Variants in SLX4IP observed in about 807,000 individuals in gnomAD.
SLX4IP encodes SLX4 interacting protein, also known as protein SLX4IP.
Under a neutral mutation model 32.9 loss-of-function variants are expected in SLX4IP, and 34 were observed. The ratio of observed to expected loss-of-function variants is 1.03; its 90% confidence interval spans 0.79 to 1.38. The LOEUF is 1.38. SLX4IP is among the 40% of genes most tolerant of loss of function. SLX4IP has a pLI of 0.00. For missense variants in SLX4IP, 444 were observed against 479.0 expected, an observed-to-expected ratio of 0.93 and a Z score of 0.68; for synonymous variants, 172 against 171.7, an observed-to-expected ratio of 1.00 and a Z score of -0.01.
chr20:10,551,601 A>C (rs542426565), intron 2 of SLX4IP, among the ~76,000 whole-genome samples: 63 of 152,342 alleles, frequency 4.1e-4, no homozygotes, highest in African/African-American at 1.5e-3. Flanking sequence ...CTTATAGCCT[A>C]GGATGGGGGC....
At chr20:10,612,556 T>C (rs1025399426) in intron 6 of SLX4IP, among the ~76,000 whole-genome samples, 4 of 152,172 alleles carry the variant, frequency 2.6e-5, no homozygotes, top group African/African-American at 9.7e-5. Flanking sequence ...TTACTATTAT[T>C]ATTATTGAGA....
intron 1 of SLX4IP, among the ~76,000 whole-genome samples, chr20:10,440,428 C>G (rs1216776123): frequency 6.6e-6 from 1 of 151,632 alleles, no homozygotes; most frequent in Non-Finnish European, 1.5e-5. Flanking sequence ...GCGCTTTAGC[C>G]TGGGTGACAC....
intron 4 of SLX4IP, among the ~76,000 whole-genome samples, chr20:10,586,847 G>A (rs1238191417): frequency 1.3e-5 from 2 of 152,036 alleles, no homozygotes; most frequent in Non-Finnish European, 1.5e-5. Context: ...TTGTTAATGT[G>A]AGCTAAGAAT....
chr20:10,499,136 AT>A (rs2065694973), intron 2 of SLX4IP, among the ~76,000 whole-genome samples: 1 of 152,176 alleles, frequency 6.6e-6, no homozygotes, highest in South Asian at 2.1e-4. Context: ...AATGACAAAA[AT>A]TATGGGTCTA....
chr20:10,474,407 C>T (rs1454140141), intron 2 of SLX4IP, among the ~76,000 whole-genome samples: 2 of 152,202 alleles, frequency 1.3e-5, no homozygotes, highest in Non-Finnish European at 2.9e-5. Context: ...TAAGCCCTAA[C>T]TTCGTGGGAG....
chr20:10,555,280 C>G (rs1269334256), intron 2 of SLX4IP, among the ~76,000 whole-genome samples: 1 of 151,884 alleles, frequency 6.6e-6, no homozygotes, highest in African/African-American at 2.4e-5. Flanking sequence ...CTGGGTCTCT[C>G]AGACCATCCC....
chr20:10,560,644 T>C (rs2066322517), intron 3 of SLX4IP, 56 bp from the exon 4 acceptor site: 9 of 1,273,750 alleles, frequency 7.1e-6, no homozygotes, highest in African/African-American at 3.1e-5. Context: ...TTAATATATA[T>C]GTTAATTTTT....
chr20:10,483,267 G>C (rs1316285090), intron 2 of SLX4IP, among the ~76,000 whole-genome samples: 2 of 152,152 alleles, frequency 1.3e-5, no homozygotes, highest in Non-Finnish European at 2.9e-5. Context: ...TTACAGGAGA[G>C]TGCCACCATG....
chr20:10,615,866 G>A (rs2067020761), intron 6 of SLX4IP, among the ~76,000 whole-genome samples: 1 of 152,086 alleles, frequency 6.6e-6, no homozygotes, highest in Admixed American at 6.5e-5. Flanking sequence ...AAGGACAATA[G>A]GTCCAACTCC....
chr20:10,474,709 C>G (rs991113571), intron 2 of SLX4IP, among the ~76,000 whole-genome samples: 2 of 152,232 alleles, frequency 1.3e-5, no homozygotes, highest in Non-Finnish European at 2.9e-5. Flanking sequence ...TTTTCCCTCC[C>G]TTACCACTAT....
intron 1 of SLX4IP, among the ~76,000 whole-genome samples, chr20:10,446,520 T>TTGTAGGTAAGTGCA (rs113050194): frequency 0.49 from 74,313 of 151,810 alleles, 19,669 homozygotes; most frequent in Non-Finnish European, 0.6. Flanking sequence ...AATTTTTGGG[T>TTGTAGGTAAGTGCA]TGTTTAGATT....
chr20:10,576,664 G>A (rs1354354249), intron 4 of SLX4IP, among the ~76,000 whole-genome samples: 1 of 152,164 alleles, frequency 6.6e-6, no homozygotes, highest in Non-Finnish European at 1.5e-5. Flanking sequence ...GGCCAAGATT[G>A]AATTTCAATT....
chr20:10,592,920 CTG>C (rs1384704868), intron 4 of SLX4IP, among the ~76,000 whole-genome samples: 1 of 152,182 alleles, frequency 6.6e-6, no homozygotes, highest in Non-Finnish European at 1.5e-5. Context: ...GCGTGAGCCA[CTG>C]TGCCTAGCCT....
At chr20:10,582,086 G>T (rs997546913) in intron 4 of SLX4IP, among the ~76,000 whole-genome samples, 1 of 152,152 alleles carries the variant, frequency 6.6e-6, no homozygotes, top group African/African-American at 2.4e-5. Flanking sequence ...CCCAGGGAAT[G>T]GTGAATTCTC....
At chr20:10,479,148 ACT>A (rs934515174) in intron 2 of SLX4IP, among the ~76,000 whole-genome samples, 7 of 152,082 alleles carry the variant, frequency 4.6e-5, no homozygotes, top group Admixed American at 6.5e-5. Flanking sequence ...GCAAGTAGTG[ACT>A]CTGATTCCTT....
intron 2 of SLX4IP, among the ~76,000 whole-genome samples, chr20:10,521,159 T>C (rs1235081522): frequency 6.6e-6 from 1 of 152,228 alleles, no homozygotes; most frequent in Non-Finnish European, 1.5e-5. Flanking sequence ...ATTTGCTTGC[T>C]CTCTTCAGCA....
rs16991671 is a variant in SLX4IP, at chr20:10,482,884, C to T, written c.27+24653C>T. On this transcript the variant is annotated intron_variant, in intron 2 of 7. Transcript: ENST00000334534. Reference sequence around the variant, plus strand: ...GACATAAAATTGTACCTTAATAAACCTATTTTTAGAAGCCATATCTGTTTA... The same window carrying T: ...GACATAAAATTGTACCTTAATAAACTTATTTTTAGAAGCCATATCTGTTTA... Among the ~76,000 whole-genome samples the T allele has an allele frequency of 3.6e-3, 551 of 152,118 alleles. 3 individuals carry two copies. Among genetic ancestry groups the T allele is most frequent in the Middle Eastern group, 6.8e-3 (2 of 294 alleles).
At chr20:10,556,102 GT>G (rs2074014756) in intron 2 of SLX4IP, 128 bp from the exon 3 acceptor site, 1 of 693,878 alleles carries the variant, frequency 1.4e-6, no homozygotes, top group Non-Finnish European at 2.4e-6. Context: ...TTTATTAAAA[GT>G]TCTGTCTAGT....
At chr20:10,592,625 T>TG (rs1237077194) in intron 4 of SLX4IP, among the ~76,000 whole-genome samples, 2 of 55,916 alleles carry the variant, frequency 3.6e-5, no homozygotes, top group African/African-American at 1.3e-4. Context: ...TCTTCATCTT[T>TG]TTTTTTTTTT....
Sources: allele counts gnomAD v4.1 joint callset (sites outside exome capture counted in the v4.1 genomes callset), GRCh38; gene constraint gnomAD v4.1.1; transcripts MANE v1.5; gene names NCBI Gene and HGNC (gene_info 2026-07-23, HGNC 2026-07-21).